The following TUBB6 variants were observed in gnomAD, a reference collection of about 807,000 sequenced individuals.
The protein encoded by TUBB6 is tubulin beta-6 chain.
A neutral mutation model predicts 32.3 loss-of-function variants in TUBB6; 18 were observed. That is an observed-to-expected ratio of 0.56 (90% CI 0.39 to 0.83). The LOEUF (loss-of-function observed/expected upper bound fraction) is 0.83, where lower values mean the gene tolerates loss of function less well. Ranked by LOEUF, TUBB6 falls within the 40% of genes least tolerant of loss-of-function variation. The pLI is 0.00. For synonymous variants in TUBB6, 280 were observed against 265.8 expected (o/e 1.05, Z -0.52); for missense variants, 480 against 632.0 (o/e 0.76, Z 2.58).
intron 2 of TUBB6, among the ~76,000 whole-genome samples, chr18:12,309,309 C>T (rs1215757965): frequency 1.3e-5 from 2 of 150,758 alleles, no homozygotes; most frequent in East Asian, 3.9e-4. Flanking sequence ...GCTGTGATCG[C>T]GCCACTGCAC....
At chr18:12,329,093 A>G (rs1568130105), downstream of TUBB6, 9 of 702,090 alleles carry the variant, frequency 1.3e-5, no homozygotes, top group Non-Finnish European at 1.3e-5. Context: ...CAATCTTTAA[A>G]ATATTAAGTC....
Position 12,308,258 on chromosome 18 carries a change from G to A in TUBB6, c.-35G>A, listed in dbSNP as rs1412853032. ...CGGCCCGCAGTTGCCGCTGTCGTCCGCAGAGCCAGTTCCTAGCGCAGAGCC... is the reference window on the plus strand; with the variant it reads ...CGGCCCGCAGTTGCCGCTGTCGTCCACAGAGCCAGTTCCTAGCGCAGAGCC... On this transcript the variant is annotated 5_prime_UTR_variant, in exon 1 of 4. Coordinates refer to ENST00000317702, the MANE Select transcript of TUBB6 (RefSeq NM_032525.3). The A allele has an allele frequency of 7.2e-7, 1 of 1,396,000 alleles. No individual in the cohort carries two copies. The highest frequency in any genetic ancestry group is 9.4e-7 in the Non-Finnish European group (1 of 1,066,940). 86.5% of individuals were successfully genotyped at this position (1,396,000 alleles called of 1,614,324 possible).
In TUBB6 at chr18:12,325,102, C is replaced by A; in HGVS notation, c.313C>A (p.His105Asn). The A allele has an allele frequency of 6.3e-7, 1 of 1,589,216 alleles. No homozygotes were observed. ...TGAGNNWAKGHYTEGAELVDA... is the reference protein window; with the variant it reads ...TGAGNNWAKGNYTEGAELVDA... Reference sequence around the variant, plus strand: ...TGCAGGGAACAACTGGGCGAAAGGGCACTACACGGAGGGCGCGGAGCTGGT... The same window carrying A: ...TGCAGGGAACAACTGGGCGAAAGGGAACTACACGGAGGGCGCGGAGCTGGT... The change falls in exon 4 of 4, where the codon CAC becomes AAC. Residue 105 changes from histidine (H) to asparagine (N), a missense_variant. By Grantham distance (68) the His-to-Asn change is moderately conservative (BLOSUM62 1). Transcript: ENST00000317702.
In TUBB6 at chr18:12,319,598, C is replaced by T. The variant is rs187506844; in HGVS notation, c.278-5469C>T. On this transcript the variant is annotated intron_variant, in intron 3 of 3. Coordinates refer to ENST00000317702, the MANE Select transcript of TUBB6 (RefSeq NM_032525.3). The stretch of plus-strand genomic sequence containing the variant: ...GACATCCTCCGTGACAGTCACAGTG[C>T]CTACCATTGTATATGTCATCATTTA... Among the ~76,000 whole-genome samples, 855 of 152,192 alleles carry T rather than the reference C, an allele frequency of 5.6e-3. 7 individuals are homozygous for T. The highest frequency in any genetic ancestry group is 0.01 in the Middle Eastern group (3 of 294).
Position 12,310,933 on chromosome 18 carries a change from T to C in TUBB6, c.167-10T>C. 2 of 1,589,708 alleles carry C rather than the reference T, an allele frequency of 1.3e-6. No individual in the cohort carries two copies. Among genetic ancestry groups the C allele is most frequent in the Non-Finnish European group, 8.5e-7 (1 of 1,169,938 alleles). ...AAGTAACTCTTGTGGGTGGTTCTTT[T>C]CTCCTCCAGCTCAGAAATATGTGCC... On this transcript the variant is annotated splice_polypyrimidine_tract_variant and intron_variant, in intron 2 of 3. Transcript: ENST00000317702.
rs371898363 is a variant in TUBB6 at position 12,325,747 on chromosome 18, C to T, written c.958C>T (p.Pro320Ser). ...GACCGTGGCCACCGTGTTCCGCGGG[C>T]CCATGTCCATGAAGGAGGTGGACGA... ...YLTVATVFRGPMSMKEVDEQM... is the reference protein window; with the variant it reads ...YLTVATVFRGSMSMKEVDEQM... The change falls in exon 4 of 4, where the codon CCC becomes TCC. Residue 320 changes from proline to serine, a missense_variant. Pro to Ser is a moderately conservative substitution (Grantham distance 74). Transcript: ENST00000317702. 1 of 1,614,244 alleles carries T rather than the reference C, an allele frequency of 6.2e-7. No individual in the cohort carries two copies. Among genetic ancestry groups the T allele is most frequent in the Non-Finnish European group, 8.5e-7 (1 of 1,180,046 alleles).
rs1436676608 is a variant in TUBB6, at chr18:12,311,031, C to T, written c.255C>T (p.Phe85=). ...GGTCTGGGCCTTTTGGGCAGCTTTTCCGGCCTGACAACTTCATCTTTGGTA... is the reference window on the plus strand; with the variant it reads ...GGTCTGGGCCTTTTGGGCAGCTTTTTCGGCCTGACAACTTCATCTTTGGTA... ...SVRSGPFGQL[F]RPDNFIFGQT... The change falls in exon 3 of 4, where the codon TTC becomes TTT. Residue 85 remains phenylalanine (F), a synonymous_variant. Transcript: ENST00000317702. The T allele has an allele frequency of 1.2e-6, 2 of 1,613,342 alleles. No homozygotes were observed. The highest frequency in any genetic ancestry group is 2.7e-5 in the African/African-American group (2 of 74,906).
intron 3 of TUBB6, among the ~76,000 whole-genome samples, chr18:12,313,402 T>A (rs1906500184): frequency 6.6e-6 from 1 of 152,210 alleles, no homozygotes; most frequent in Admixed American, 6.5e-5. Flanking sequence ...GATAAAATAT[T>A]CAGAAATTAA....
chr18:12,328,063 T>C (rs1907394222), downstream of TUBB6, among the ~76,000 whole-genome samples: 1 of 152,234 alleles, frequency 6.6e-6, no homozygotes, highest in Non-Finnish European at 1.5e-5. Flanking sequence ...AGTGTGGCAA[T>C]GCCTGCAGGT....
At chr18:12,323,676 T>C (rs868862954) in intron 3 of TUBB6, among the ~76,000 whole-genome samples, 3 of 151,686 alleles carry the variant, frequency 2.0e-5, no homozygotes, top group African/African-American at 4.8e-5. Flanking sequence ...GGCGTGGTGG[T>C]GGGTGCCTGT....
At chr18:12,320,426 G>A (rs1265559169) in intron 3 of TUBB6, 4 of 151,992 alleles carry the variant, frequency 2.6e-5, no homozygotes, top group Non-Finnish European at 2.9e-5. Flanking sequence ...AGCTAGCTAG[G>A]TAAAACATTT....
upstream of TUBB6, chr18:12,308,108 C>T (rs1244111443): frequency 5.5e-6 from 1 of 182,760 alleles, no homozygotes; most frequent in African/African-American, 2.4e-5. Context: ...CCCGCGCGTC[C>T]TCCCTCGGCT....
chr18:12,322,009 T>C (rs1907015085), intron 3 of TUBB6, among the ~76,000 whole-genome samples: 3 of 152,128 alleles, frequency 2.0e-5, no homozygotes, highest in South Asian at 4.1e-4. Flanking sequence ...TTCTTCAACA[T>C]TGAGTTGTTG....
chr18:12,310,176 TTTTC>T (rs1304025049), intron 2 of TUBB6, among the ~76,000 whole-genome samples: 2 of 152,052 alleles, frequency 1.3e-5, no homozygotes, highest in Admixed American at 6.6e-5. Flanking sequence ...CTAGGATTTT[TTTTC>T]TTTCTTTTTT....
chr18:12,309,803 T>C (rs891518694), intron 2 of TUBB6, among the ~76,000 whole-genome samples: 5 of 152,132 alleles, frequency 3.3e-5, no homozygotes, highest in African/African-American at 7.2e-5. Flanking sequence ...TCTAGCCCAA[T>C]TGGCATGAAA....
downstream of TUBB6, among the ~76,000 whole-genome samples, chr18:12,328,203 G>C (rs755090108): frequency 3.3e-5 from 5 of 152,240 alleles, no homozygotes; most frequent in African/African-American, 4.8e-5. Flanking sequence ...GGTGGAGCAT[G>C]CATGGCCTGG....
Position 12,308,697 on chromosome 18 carries a change from T to G in TUBB6, c.68T>G (p.Val23Gly). The change falls in exon 2 of 4, where the codon GTG (valine) becomes GGG (glycine). Residue 23 changes from valine (V) to glycine (G), a missense_variant. By Grantham distance (109) the Val-to-Gly change is moderately radical. Coordinates refer to ENST00000317702, the MANE Select transcript of TUBB6 (RefSeq NM_032525.3). ...GNQIGTKFWE[V>G]ISDEHGIDPA... The stretch of plus-strand genomic sequence containing the variant: ...CTTGCCCTGCCCAAGTTTTGGGAAG[T>G]GATCAGCGATGAGCACGGCATCGAC... The G allele has an allele frequency of 6.2e-7, 1 of 1,610,328 alleles. No individual in the cohort carries two copies. Among genetic ancestry groups the G allele is most frequent in the South Asian group, 1.1e-5 (1 of 90,888 alleles).
chr18:12,308,587 G>T (rs1906144364), intron 1 of TUBB6, 100 bp from the exon 2 acceptor site: 4 of 940,764 alleles, frequency 4.3e-6, no homozygotes, highest in South Asian at 1.6e-5. Context: ...GCTCAGGCGC[G>T]CCTGGAATTC....
chr18:12,328,128 A>T (rs942311260), downstream of TUBB6, among the ~76,000 whole-genome samples: 1 of 152,246 alleles, frequency 6.6e-6, no homozygotes, highest in Non-Finnish European at 1.5e-5. Flanking sequence ...TGTGGAGTCC[A>T]AACAGCTGCT....
Sources: gnomAD v4.1 joint callset for allele counts (sites outside exome capture counted in the v4.1 genomes callset) on GRCh38, gnomAD v4.1.1 for gene constraint, MANE v1.5 for transcripts, NCBI Gene and HGNC (gene_info 2026-07-23, HGNC 2026-07-21) for gene names.